The following PCDH9 variants were observed in gnomAD, a reference collection of about 807,000 sequenced individuals.
PCDH9 encodes protocadherin 9.
In PCDH9, 24 loss-of-function variants were observed where a neutral mutation model predicts 70.6. The ratio of observed to expected loss-of-function variants is 0.34; its 90% confidence interval spans 0.25 to 0.48. The LOEUF (loss-of-function observed/expected upper bound fraction) is 0.48. Ranked by LOEUF, PCDH9 falls within the 20% of genes least tolerant of loss-of-function variation. The pLI is 0.99. For missense variants in PCDH9, 1,281 were observed against 1,503.6 expected (o/e 0.85, Z 2.45); for synonymous variants, 562 against 558.5 (o/e 1.01, Z -0.09).
chr13:66,423,908 A>T (rs753149082), intron 4 of PCDH9, among the ~76,000 whole-genome samples: 11 of 152,166 alleles, frequency 7.2e-5, no homozygotes, highest in African/African-American at 2.7e-4. Flanking sequence ...AGATGATATG[A>T]TTGTATATTT....
At chr13:66,547,733 C>T (rs1049394783) in intron 4 of PCDH9, among the ~76,000 whole-genome samples, 1 of 151,552 alleles carries the variant, frequency 6.6e-6, no homozygotes, top group Non-Finnish European at 1.5e-5. Context: ...AGTGATTTGC[C>T]CATTTCCCCT....
intron 3 of PCDH9, among the ~76,000 whole-genome samples, chr13:66,688,879 A>G (rs80010198): frequency 0.019 from 2,848 of 152,252 alleles, 64 homozygotes; most frequent in African/African-American, 0.056. Context: ...ACCACATGCA[A>G]ATTTTTTATA....
intron 4 of PCDH9, among the ~76,000 whole-genome samples, chr13:66,444,225 A>G (rs998858208): frequency 1.3e-5 from 2 of 152,102 alleles, no homozygotes; most frequent in African/African-American, 2.4e-5. Flanking sequence ...TCCCTACCCA[A>G]CATATACTGA....
intron 4 of PCDH9, among the ~76,000 whole-genome samples, chr13:66,435,785 A>C (rs991195400): frequency 6.6e-6 from 1 of 152,200 alleles, no homozygotes; most frequent in Non-Finnish European, 1.5e-5. Flanking sequence ...TAAACAGCTA[A>C]GAAAATAAAT....
At chr13:67,140,025 A>AC (rs34514187) in intron 2 of PCDH9, among the ~76,000 whole-genome samples, 3,003 of 65,674 alleles carry the variant, frequency 0.046, 135 homozygotes, top group South Asian at 0.066. Context: ...TTTTTTGATC[A>AC]CCCCCCCCCC....
At chr13:67,092,928 C>T (rs1300830726) in intron 2 of PCDH9, among the ~76,000 whole-genome samples, 14 of 151,812 alleles carry the variant, frequency 9.2e-5, no homozygotes, top group South Asian at 2.1e-4. Context: ...CTTTTAATGG[C>T]GTAGACCACT....
chr13:66,320,893 C>T (rs903362685), intron 4 of PCDH9, among the ~76,000 whole-genome samples: 5 of 151,990 alleles, frequency 3.3e-5, no homozygotes, highest in Admixed American at 6.6e-5. Context: ...AAGATCATCA[C>T]GTATAGCTTT....
chr13:67,180,282 A>G lies in PCDH9; in HGVS notation c.3036+45123T>C, dbSNP rs147923986. On this transcript the variant is annotated intron_variant, in intron 2 of 4. Transcript: ENST00000377865. ...CTGGCTGCAGAGCTTGAAGCCTGCAAGTTTTAACTCACAAATGCAATCTGT... is the reference window on the plus strand; with the variant it reads ...CTGGCTGCAGAGCTTGAAGCCTGCAGGTTTTAACTCACAAATGCAATCTGT... 6.8e-3 allele frequency among the ~76,000 whole-genome samples: 1,042 copies of G among 152,284 alleles called. 2 individuals carry two copies. The highest frequency in any genetic ancestry group is 0.01 in the Non-Finnish European group (689 of 68,000).
intron 2 of PCDH9, among the ~76,000 whole-genome samples, chr13:67,092,464 T>C (rs9540994): frequency 0.096 from 14,583 of 152,176 alleles, 772 homozygotes; most frequent in Non-Finnish European, 0.12. Flanking sequence ...TACCTGGATA[T>C]ATGCATAGCT....
intron 4 of PCDH9, among the ~76,000 whole-genome samples, chr13:66,354,419 T>C (rs1178373780): frequency 1.3e-5 from 2 of 152,150 alleles, no homozygotes; most frequent in African/African-American, 4.8e-5. Context: ...CCTGTGTGTA[T>C]TCTTAAATGA....
At chr13:66,804,595 CT>C (rs1484877547) in intron 3 of PCDH9, among the ~76,000 whole-genome samples, 1 of 152,130 alleles carries the variant, frequency 6.6e-6, no homozygotes, top group Non-Finnish European at 1.5e-5. Context: ...CAGCAAGCCT[CT>C]TTTGCCCAAT....
At chr13:66,326,605 A>T (rs1406875600) in intron 4 of PCDH9, among the ~76,000 whole-genome samples, 1 of 151,928 alleles carries the variant, frequency 6.6e-6, no homozygotes, top group African/African-American at 2.4e-5. Flanking sequence ...TTTTCACTAG[A>T]GACGGGTTTT....
At chr13:66,809,444 A>G (rs142659921) in intron 3 of PCDH9, among the ~76,000 whole-genome samples, 360 of 152,304 alleles carry the variant, frequency 2.4e-3, no homozygotes, top group Admixed American at 3.5e-3. Flanking sequence ...ACTCTGCAAT[A>G]TATAACATTG....
chr13:66,556,685 A>C (rs973864342), intron 4 of PCDH9, among the ~76,000 whole-genome samples: 1 of 152,172 alleles, frequency 6.6e-6, no homozygotes, highest in Admixed American at 6.5e-5. Flanking sequence ...TTTAATCATA[A>C]AAATTTTTAA....
chr13:66,588,787 G>T lies in PCDH9; in HGVS notation c.3340+42423C>A, dbSNP rs1029182894. On this transcript the variant is annotated intron_variant, in intron 4 of 4. Coordinates refer to ENST00000377865, the MANE Select transcript of PCDH9 (RefSeq NM_203487.3). ...ACAGTATGATATATGCCATGTAATT[G>T]CATGGCTTGGGGTTCTAATGCAGTG... 6.5e-5 allele frequency among the ~76,000 whole-genome samples: 7 copies of T among 107,474 alleles called. No individual in the cohort carries two copies. In the East Asian group the frequency reaches 8.5e-4, roughly 13 times the overall value. The allele number at this position is 107,474 out of a possible 152,430, so 70.5% of individuals were successfully genotyped here.
At chr13:66,594,623 C>A (rs1200208960) in intron 4 of PCDH9, among the ~76,000 whole-genome samples, 1 of 151,380 alleles carries the variant, frequency 6.6e-6, no homozygotes, top group Admixed American at 6.6e-5. Flanking sequence ...AGATATTAAG[C>A]CCAGAATGCA....
chr13:66,779,873 A>ATATATGTGTGTG (rs375882917), intron 3 of PCDH9, among the ~76,000 whole-genome samples: 5 of 115,876 alleles, frequency 4.3e-5, no homozygotes, highest in African/African-American at 1.0e-4. Flanking sequence ...ATATACATAT[A>ATATATGTGTGTG]TGTGTGTGTG....
chr13:66,962,890 C>T (rs192744823), intron 2 of PCDH9, among the ~76,000 whole-genome samples: 1 of 152,168 alleles, frequency 6.6e-6, no homozygotes, highest in African/African-American at 2.4e-5. Context: ...CACTTTATTT[C>T]AATTATTATG....
At chr13:66,762,295 A>G (rs960316741) in intron 3 of PCDH9, among the ~76,000 whole-genome samples, 1 of 152,080 alleles carries the variant, frequency 6.6e-6, no homozygotes, top group African/African-American at 2.4e-5. Context: ...TGCAGGCCAA[A>G]GATTTTGCAG....
Sources: gnomAD v4.1 joint callset for allele counts (sites outside exome capture counted in the v4.1 genomes callset) on GRCh38, gnomAD v4.1.1 for gene constraint, MANE v1.5 for transcripts, NCBI Gene and HGNC (gene_info 2026-07-23, HGNC 2026-07-21) for gene names.